ACADS: variants seen among roughly 807,000 people sequenced by gnomAD.
ACADS encodes acyl-CoA dehydrogenase short chain.
A neutral mutation model predicts 46.8 loss-of-function variants in ACADS; 28 were observed. The ratio of observed to expected loss-of-function variants is 0.60; its 90% CI spans 0.44 to 0.82. The LOEUF (loss-of-function observed/expected upper bound fraction) is 0.82. Ranked by LOEUF, ACADS falls within the 40% of genes least tolerant of loss-of-function variation. The pLI is 0.00. For missense variants in ACADS, 528 were observed against 578.0 expected (o/e 0.91, Z 0.89); for synonymous variants, 236 against 237.7 (o/e 0.99, Z 0.07).
In ACADS at chr12:120,728,296, G is replaced by A. The variant is rs778184932; in HGVS notation, c.210+1107G>A. On this transcript the variant is annotated intron_variant, in intron 2 of 9. Coordinates refer to ENST00000242592, the MANE Select transcript of ACADS (RefSeq NM_000017.4). The surrounding 1 kb of genome is among the most constrained non-coding windows in gnomAD (Gnocchi z 4.0). ...GTTTCCCATCAGCGCGCTCCCTCCC[G>A]TGCCACTGTGTTCTTCCATTTGCAT... 2.6e-5 allele frequency among the ~76,000 whole-genome samples: 4 copies of A among 151,846 alleles called. No homozygotes were observed. The highest frequency in any genetic ancestry group is 6.6e-5 in the Admixed American group (1 of 15,248).
At chr12:120,736,059 G>A (rs1222084051) in intron 2 of ACADS, among the ~76,000 whole-genome samples, 1 of 152,002 alleles carries the variant, frequency 6.6e-6, no homozygotes. Flanking sequence ...CCAGAGATAA[G>A]TGGTTTTACT....
chr12:120,730,416 T>C (rs1883215069), intron 2 of ACADS, among the ~76,000 whole-genome samples: 1 of 152,206 alleles, frequency 6.6e-6, no homozygotes, highest in African/African-American at 2.4e-5. Flanking sequence ...CTTTTGATTC[T>C]AGCTCATTGA....
Position 120,738,639 on chromosome 12 carries a change from G to T in ACADS, c.902G>T (p.Gly301Val), listed in dbSNP as rs1883543311. 6.2e-7 allele frequency: 1 copy of T among 1,612,830 alleles called. No homozygotes were observed. Among genetic ancestry groups the T allele is most frequent in the Non-Finnish European group, 8.5e-7 (1 of 1,180,032 alleles). Residue 301 changes from glycine (G) to valine (V), a missense_variant, in exon 7 of 10, where the codon GGG becomes GTG. By Grantham distance (109) the Gly-to-Val change is moderately radical. Coordinates refer to ENST00000242592, the MANE Select transcript of ACADS (RefSeq NM_000017.4). Reference sequence around the variant, plus strand: ...TACGCTGAGAATCGCATGGCCTTCGGGGCGCCCCTCACCAAGCTCCAGGTC... The same window carrying T: ...TACGCTGAGAATCGCATGGCCTTCGTGGCGCCCCTCACCAAGCTCCAGGTC... ...VNYAENRMAF[G>V]APLTKLQVIQ...
intron 2 of ACADS, among the ~76,000 whole-genome samples, chr12:120,731,426 C>T (rs902484672): frequency 5.9e-5 from 9 of 151,376 alleles, no homozygotes; most frequent in African/African-American, 2.2e-4. Flanking sequence ...GAGTATTGTC[C>T]AGCAGCAGAG....
chr12:120,727,682 G>A (rs1049901472), intron 2 of ACADS, among the ~76,000 whole-genome samples: 13 of 152,098 alleles, frequency 8.5e-5, no homozygotes, highest in Non-Finnish European at 1.3e-4. Context: ...GATTATAGGC[G>A]TGCACTGCTC....
rs1279867763 is a variant in ACADS at position 120,739,787 on chromosome 12, G to A, written c.*339G>A. The A allele has an allele frequency of 1.1e-5, 4 of 370,912 alleles. No homozygotes were observed. The highest frequency in any genetic ancestry group is 1.1e-4 in the East Asian group (2 of 17,834). The allele number at this position is 370,912 out of a possible 1,614,324, so 23.0% of individuals were successfully genotyped here. A position where few individuals can be genotyped will look rare whatever the true frequency, so the allele number is the denominator to read the frequency against. ...GTGCCCTGGCATGAAGGCCCAGTGC[G>A]ACAGGCCCTTGGTGGGGTCTGTCTT... On this transcript the variant is annotated 3_prime_UTR_variant, in exon 10 of 10. Transcript: ENST00000242592.
At chr12:120,730,442 T>C (rs3794214) in intron 2 of ACADS, among the ~76,000 whole-genome samples, 77,449 of 151,962 alleles carry the variant, frequency 0.51, 21,129 homozygotes, top group African/African-American at 0.72. Context: ...GTCGCATTAG[T>C]CAGAGGGAGG....
In ACADS at chr12:120,738,148, G is replaced by T. The variant is rs1211335227; in HGVS notation, c.625-132G>T. 1.5e-5 allele frequency: 23 copies of T among 1,569,842 alleles called. No individual in the cohort carries two copies. The highest frequency in any genetic ancestry group is 2.0e-5 in the Non-Finnish European group (23 of 1,159,306). On this transcript the variant is annotated intron_variant, in intron 5 of 9. Coordinates refer to ENST00000242592, the MANE Select transcript of ACADS (RefSeq NM_000017.4). Reference sequence around the variant, plus strand: ...GCCACTGAAGCCTGCACCTTCCCCAGAAGCCGGCAGAGGGTGTCAAGGCCT... The same window carrying T: ...GCCACTGAAGCCTGCACCTTCCCCATAAGCCGGCAGAGGGTGTCAAGGCCT...
chr12:120,732,277 C>T (rs1191942136), intron 2 of ACADS, among the ~76,000 whole-genome samples: 1 of 149,382 alleles, frequency 6.7e-6, no homozygotes, highest in African/African-American at 2.5e-5. Context: ...ACCCCCACCT[C>T]CCTCCCGGAC....
chr12:120,730,845 CTAGTT>C (rs1176802551), intron 2 of ACADS, among the ~76,000 whole-genome samples: 4 of 152,152 alleles, frequency 2.6e-5, no homozygotes, highest in African/African-American at 9.7e-5. Context: ...GCGGCTTGAG[CTAGTT>C]TAGCCTTATT....
chr12:120,738,310 A>T lies in ACADS; in HGVS notation c.655A>T (p.Thr219Ser), dbSNP rs144815059. The T allele has an allele frequency of 1.2e-4, 196 of 1,614,156 alleles. 1 individual carries two copies. The African/African-American group carries it at 2.2e-3, about 18-fold the overall frequency. Residue 219 changes from threonine to serine, a missense_variant, in exon 6 of 10, where the codon ACG (threonine) becomes TCG (serine). Coordinates refer to ENST00000242592, the MANE Select transcript of ACADS (RefSeq NM_000017.4). ...GISAFLVPMP[T>S]PGLTLGKKED... ...CAGTGCCTTCCTGGTCCCCATGCCAACGCCTGGGCTCACGTTGGGGAAGAA... is the reference window on the plus strand; with the variant it reads ...CAGTGCCTTCCTGGTCCCCATGCCATCGCCTGGGCTCACGTTGGGGAAGAA...
At chr12:120,732,258 C>T (rs1438023908) in intron 2 of ACADS, among the ~76,000 whole-genome samples, 3 of 148,202 alleles carry the variant, frequency 2.0e-5, no homozygotes, top group Non-Finnish European at 3.0e-5. Flanking sequence ...GCTGGCCGGG[C>T]GGGGGCTGAC....
intron 3 of ACADS, 79 bp from the exon 4 acceptor site, chr12:120,737,277 A>G (rs893787178): frequency 6.5e-7 from 1 of 1,536,746 alleles, no homozygotes; most frequent in Non-Finnish European, 8.9e-7. Flanking sequence ...TGGACAGAAC[A>G]GGCCCTGAGG....
chr12:120,727,064 T>G lies in ACADS; in HGVS notation c.85T>G (p.Tyr29Asp). The change falls in exon 2 of 10, where the codon TAC (tyrosine) becomes GAC (aspartate). Residue 29 changes from tyrosine to aspartate, a missense_variant. Physicochemically the swap from Tyr to Asp is radical, Grantham distance 160 (BLOSUM62 -3). Coordinates refer to ENST00000242592, the MANE Select transcript of ACADS (RefSeq NM_000017.4). ...PRAWRQLHTIYQSVELPETHQ... is the reference protein window; with the variant it reads ...PRAWRQLHTIDQSVELPETHQ... Reference sequence around the variant, plus strand: ...GGCCTGGCGGCAGTTACACACCATCTACCAGTCTGTGGAACTGCCCGAGAC... The same window carrying G: ...GGCCTGGCGGCAGTTACACACCATCGACCAGTCTGTGGAACTGCCCGAGAC... 1 of 1,614,190 alleles carries G rather than the reference T, an allele frequency of 6.2e-7. No homozygotes were observed. Among genetic ancestry groups the G allele is most frequent in the Non-Finnish European group, 8.5e-7 (1 of 1,180,028 alleles).
chr12:120,730,191 C>T (rs1444989887), intron 2 of ACADS, among the ~76,000 whole-genome samples: 1 of 152,162 alleles, frequency 6.6e-6, no homozygotes, highest in Non-Finnish European at 1.5e-5. Flanking sequence ...CCATGTTGGC[C>T]AGGCTGGTCT....
chr12:120,739,325 C>T lies in ACADS; in HGVS notation c.1116C>T (p.Tyr372=), dbSNP rs1015232355. Residue 372 remains tyrosine (Y), a synonymous_variant, in exon 10 of 10, where the codon TAC becomes TAT. Coordinates refer to ENST00000242592, the MANE Select transcript of ACADS (RefSeq NM_000017.4). ...TCCAGATCCTGGGCGGCATGGGCTA[C>T]GTGACAGAGATGCCGGCAGAGCGGC... ...QAIQILGGMG[Y]VTEMPAERHY... is the part of the protein sequence containing the mutation. 25 of 1,612,956 alleles carry T rather than the reference C, an allele frequency of 1.5e-5. No homozygotes were observed. The highest frequency in any genetic ancestry group is 1.9e-5 in the Non-Finnish European group (23 of 1,179,956).
Position 120,737,853 on chromosome 12 carries a change from AGGAGCTGCGTCCACCACCGCCC to A in ACADS, c.492_513del (p.Ala165ProfsTer8), listed in dbSNP as rs745833347. On this transcript the variant is annotated frameshift_variant, in exon 5 of 10. Transcript: ENST00000242592. LOFTEE classifies it high-confidence loss of function. ...TGTGGGCAGGGAACGGCAGTGATGC[AGGAGCTGCGTCCACCACCGCCC>A]GGGCCGAGGGCGACTCATGGGTTCT... 22 of 1,613,764 alleles carry A rather than the reference AGGAGCTGCGTCCACCACCGCCC, an allele frequency of 1.4e-5. No homozygotes were observed. Among genetic ancestry groups the A allele is most frequent in the Admixed American group, 3.3e-5 (2 of 59,992 alleles).
At chr12:120,726,883 C>G (rs1883100890) in intron 1 of ACADS, 143 bp from the exon 2 acceptor site, 1 of 931,276 alleles carries the variant, frequency 1.1e-6, no homozygotes, top group African/African-American at 1.6e-5. Flanking sequence ...TTCCCCTGCT[C>G]TAGTTGTGAC....
rs1212720647 is a variant in ACADS at position 120,736,984 on chromosome 12, A to C, written c.211-2A>C. 1 of 1,605,252 alleles carries C rather than the reference A, an allele frequency of 6.2e-7. No individual in the cohort carries two copies. The highest frequency in any genetic ancestry group is 8.5e-7 in the Non-Finnish European group (1 of 1,176,632). On this transcript the variant is annotated splice_acceptor_variant, in intron 2 of 9. Coordinates refer to ENST00000242592, the MANE Select transcript of ACADS (RefSeq NM_000017.4). LOFTEE classifies it high-confidence loss of function. ...TGGCGTGCCGTCCTTCCCTGTGCCCAGGTGAAGAAGATGGGCGGGCTTGGG... is the reference window on the plus strand; with the variant it reads ...TGGCGTGCCGTCCTTCCCTGTGCCCCGGTGAAGAAGATGGGCGGGCTTGGG...
Sources: gnomAD v4.1 joint callset for allele counts (sites outside exome capture counted in the v4.1 genomes callset) on GRCh38, gnomAD v4.1.1 for gene constraint, Gnocchi (gnomAD v3.1) non-coding constraint, MANE v1.5 for transcripts, NCBI Gene and HGNC (gene_info 2026-07-23, HGNC 2026-07-21) for gene names.